Variants in CCDC187 observed in about 807,000 individuals in gnomAD.
The protein encoded by CCDC187 is coiled-coil domain containing 187, also known as coiled-coil domain-containing protein 187.
In CCDC187, 32 loss-of-function variants were observed where a neutral mutation model predicts 38.0. The observed-to-expected ratio is 0.84, with a 90% CI of 0.64 to 1.13. CCDC187 has a LOEUF of 1.13. Ranked by LOEUF, CCDC187 falls within the 50% of genes most tolerant of loss-of-function variation. The pLI, the probability that CCDC187 is intolerant of heterozygous loss-of-function variation, is 0.00. For missense variants in CCDC187, 707 were observed against 786.8 expected (o/e 0.90, Z 1.21); for synonymous variants, 333 against 347.9 (o/e 0.96, Z 0.48).
At chr9:136,274,233 C>T (rs1353043676) in intron 14 of CCDC187, among the ~76,000 whole-genome samples, 3 of 152,238 alleles carry the variant, frequency 2.0e-5, no homozygotes, top group Non-Finnish European at 4.4e-5. Flanking sequence ...ACCCTCTGTC[C>T]CGGAGCAAGG....
At chr9:136,301,263 A>C (rs878975557) in intron 2 of CCDC187, among the ~76,000 whole-genome samples, 132,597 of 152,222 alleles carry the variant, frequency 0.87, 57,786 homozygotes, top group East Asian at 0.9. Flanking sequence ...TTTATTCATT[A>C]TTTGTGCTTA....
At chr9:136,304,800 G>A (rs1229990680), upstream of CCDC187, among the ~76,000 whole-genome samples, 4 of 152,204 alleles carry the variant, frequency 2.6e-5, no homozygotes, top group Non-Finnish European at 4.4e-5. Context: ...ACGGAGCTGC[G>A]ATGATCATGA....
chr9:136,253,750 T>C lies in CCDC187; in HGVS notation c.6078A>G (p.Glu2026=). Residue 2026 remains glutamate (E), a synonymous_variant, in exon 26 of 26, where the codon GAA becomes GAG. Coordinates refer to ENST00000638797, the MANE Select transcript of CCDC187 (RefSeq NM_001378188.1). ...PPTPQAQSDG[E]DTNPCSDAFP... ...AGGCATCCGAGCATGGGTTGGTGTC[T>C]TCACCATCACTCTGTGCTTGGGGAG... 1.0e-6 allele frequency: 1 copy of C among 985,612 alleles called. No homozygotes were observed. The highest frequency in any genetic ancestry group is 1.1e-4 in the East Asian group (1 of 8,820). The allele number at this position is 985,612 out of a possible 1,614,324, so 61.1% of individuals were successfully genotyped here. A position where few individuals can be genotyped will look rare whatever the true frequency, so the allele number is the denominator to read the frequency against.
At chr9:136,298,266 T>C (rs1421618731) in intron 3 of CCDC187, among the ~76,000 whole-genome samples, 1 of 151,650 alleles carries the variant, frequency 6.6e-6, no homozygotes, top group Non-Finnish European at 1.5e-5. Flanking sequence ...ATGCACAGAG[T>C]GGCAGCGGCC....
At position 136,291,571 on chromosome 9, in the gene CCDC187, T is replaced by C. The variant is rs1407183505; in HGVS notation, c.1042A>G (p.Ser348Gly). The change falls in exon 6 of 26, where the codon AGT (serine) becomes GGT (glycine). Residue 348 changes from serine (S) to glycine (G), a missense_variant. Ser to Gly is a moderately conservative substitution (Grantham distance 56, BLOSUM62 0). Transcript: ENST00000638797. The part of the protein sequence containing the change: ...AQLPDATSAY[S>G]DQQVSGNTPS... The stretch of plus-strand genomic sequence containing the variant: ...GTGTTCCCAGACACCTGCTGGTCAC[T>C]GTAGGCGGAGGTGGCATCGGGCAAC... 7.5e-6 allele frequency: 3 copies of C among 398,690 alleles called. No homozygotes were observed. Among genetic ancestry groups the C allele is most frequent in the Non-Finnish European group, 1.3e-5 (3 of 226,184 alleles). The allele number at this position is 398,690 out of a possible 1,614,324, so 24.7% of individuals were successfully genotyped here.
intron 7 of CCDC187, among the ~76,000 whole-genome samples, chr9:136,288,802 G>A (rs1831241946): frequency 6.6e-6 from 1 of 152,240 alleles, no homozygotes; most frequent in Non-Finnish European, 1.5e-5. Flanking sequence ...AAAAGTAAGC[G>A]CTGTGAGGAA....
intron 18 of CCDC187, 130 bp downstream of exon 18, chr9:136,263,492 C>T: frequency 1.6e-6 from 1 of 642,606 alleles, no homozygotes; most frequent in Non-Finnish European, 1.9e-6. Flanking sequence ...CCTCGGCCTC[C>T]CAAAGTGCTG....
chr9:136,255,739 A>G lies in CCDC187; in HGVS notation c.4617-6T>C, dbSNP rs1423311312. On this transcript the variant is annotated splice_region_variant and splice_polypyrimidine_tract_variant and intron_variant, in intron 24 of 25. Coordinates refer to ENST00000638797, the MANE Select transcript of CCDC187 (RefSeq NM_001378188.1). ...CCTGCTGACAGGCCTCCGTCCTGCA[A>G]GCACATTCGTGGAGAACCCTGTGGG... 1 of 985,254 alleles carries G rather than the reference A, an allele frequency of 1.0e-6. No homozygotes were observed. Among genetic ancestry groups the G allele is most frequent in the Non-Finnish European group, 1.2e-6 (1 of 829,866 alleles). 61.0% of individuals were successfully genotyped at this position (985,254 alleles called of 1,614,324 possible).
At chr9:136,295,390 C>T (rs1270527531) in intron 4 of CCDC187, among the ~76,000 whole-genome samples, 6 of 152,192 alleles carry the variant, frequency 3.9e-5, no homozygotes, top group South Asian at 2.1e-4. Context: ...TTCCGCTGAG[C>T]AGTTTAATGG....
At position 136,257,938 on chromosome 9, in the gene CCDC187, C is replaced by G. The variant is rs1409980098; in HGVS notation, c.4366+994G>C. Among the ~76,000 whole-genome samples the G allele has an allele frequency of 6.6e-6, 1 of 152,228 alleles. No homozygotes were observed. The highest frequency in any genetic ancestry group is 2.4e-5 in the African/African-American group (1 of 41,466). ...AGAACATAAGTCAGGCCTCAGGCTC[C>G]TCCTCTGCTGCGTGGGCATAACGAG... On this transcript the variant is annotated intron_variant, in intron 22 of 25. Coordinates refer to ENST00000638797, the MANE Select transcript of CCDC187 (RefSeq NM_001378188.1). The surrounding 1 kb of genome is among the most constrained non-coding windows in gnomAD (Gnocchi z 4.5).
At chr9:136,292,050 G>A (rs1317282765) in intron 5 of CCDC187, 111 bp downstream of exon 5, 11 of 397,784 alleles carry the variant, frequency 2.8e-5, no homozygotes, top group South Asian at 1.4e-4. Flanking sequence ...TGTGAGAGGC[G>A]CCAACACCTC....
chr9:136,286,587 T>C lies in CCDC187; in HGVS notation c.2331A>G (p.Ser777=), dbSNP rs1211452395. 5.0e-6 allele frequency: 2 copies of C among 398,506 alleles called. No individual in the cohort carries two copies. Among genetic ancestry groups the C allele is most frequent in the Admixed American group, 4.4e-5 (1 of 22,712 alleles). The allele number at this position is 398,506 out of a possible 1,614,324, so 24.7% of individuals were successfully genotyped here. A position where few individuals can be genotyped will look rare whatever the true frequency, so the allele number is the denominator to read the frequency against. The part of the protein sequence containing the change: ...GRDAPVLLSA[S]PSLGSLELQD... ...GGAGCTCCAGGGATCCCAGAGAGGG[T>C]GAAGCTGACAGCAGCACGGGGGCAT... Residue 777 remains serine (S), a synonymous_variant, in exon 8 of 26, where the codon TCA becomes TCG. Coordinates refer to ENST00000638797, the MANE Select transcript of CCDC187 (RefSeq NM_001378188.1).
chr9:136,286,783 G>A (rs981545842), intron 7 of CCDC187, 88 bp from the exon 8 acceptor site: 8 of 397,874 alleles, frequency 2.0e-5, no homozygotes, highest in East Asian at 3.6e-5. Context: ...AGGTGTGAGC[G>A]TCACAGCAGC....
intron 9 of CCDC187, among the ~76,000 whole-genome samples, chr9:136,282,976 C>T (rs1346489186): frequency 6.6e-6 from 1 of 152,234 alleles, no homozygotes. Flanking sequence ...TGAGGCCGGG[C>T]ACAGTGGCTC....
Position 136,250,822 on chromosome 9 carries a change from C to T in CCDC187, c.*2772G>A, listed in dbSNP as rs73560761. On this transcript the variant is annotated 3_prime_UTR_variant, in exon 26 of 26. Transcript: ENST00000638797. ...CGGCACCTGGGGCTAAGCAGCCGCC[C>T]CGGGGCTGGAGAAGGCAGGCTGGGT... 70,681 of 456,080 alleles carry T rather than the reference C, an allele frequency of 0.15. 7,511 individuals carry two copies. The highest frequency in any genetic ancestry group is 0.33 in the Admixed American group (14,045 of 42,562). 28.3% of individuals were successfully genotyped at this position (456,080 alleles called of 1,614,324 possible).
At position 136,252,898 on chromosome 9, in the gene CCDC187, T is replaced by C. The variant is rs1490826635; in HGVS notation, c.*696A>G. 1.3e-5 allele frequency: 2 copies of C among 152,358 alleles called. No individual in the cohort carries two copies. The highest frequency in any genetic ancestry group is 4.8e-5 in the African/African-American group (2 of 41,434). 9.4% of individuals were successfully genotyped at this position (152,358 alleles called of 1,614,324 possible). A position where few individuals can be genotyped will look rare whatever the true frequency, so the allele number is the denominator to read the frequency against. ...AGCCCTCGGGCCTGGGTGGGTCCTC[T>C]ACCTGGCAGCTCAGGCCTCCCTCAA... is the stretch of plus-strand genomic sequence containing the variant. On this transcript the variant is annotated 3_prime_UTR_variant, in exon 26 of 26. Coordinates refer to ENST00000638797, the MANE Select transcript of CCDC187 (RefSeq NM_001378188.1).
Position 136,251,093 on chromosome 9 carries a change from C to G in CCDC187, c.*2501G>C, listed in dbSNP as rs1316886894. 2 of 451,268 alleles carry G rather than the reference C, an allele frequency of 4.4e-6. No individual in the cohort carries two copies. The highest frequency in any genetic ancestry group is 2.4e-5 in the Admixed American group (1 of 42,474). The allele number at this position is 451,268 out of a possible 1,614,324, so 28.0% of individuals were successfully genotyped here. ...TCTGAAGTGGAGGAGGCCTGAGGCC[C>G]TGGACAGGAGAAGCCACATCCTGGA... On this transcript the variant is annotated 3_prime_UTR_variant, in exon 26 of 26. Coordinates refer to ENST00000638797, the MANE Select transcript of CCDC187 (RefSeq NM_001378188.1).
At position 136,267,395 on chromosome 9, in the gene CCDC187, C is replaced by T; in HGVS notation, c.3636G>A (p.Glu1212=). 4.1e-6 allele frequency: 4 copies of T among 985,586 alleles called. No individual in the cohort carries two copies. Among genetic ancestry groups the T allele is most frequent in the Non-Finnish European group, 4.8e-6 (4 of 830,048 alleles). 61.1% of individuals were successfully genotyped at this position (985,586 alleles called of 1,614,324 possible). Residue 1212 remains glutamate (E), a synonymous_variant, in exon 16 of 26, where the codon GAG becomes GAA. Transcript: ENST00000638797. ...GCGCATGCGCTCACCCTCGTCGATG[C>T]TCCAGCCAGGCCAGCTCCGCGAGCG... ...EKTLAELAWL[E]HRRGCLDSKR... is the part of the protein sequence containing the mutation.
intron 16 of CCDC187, chr9:136,266,826 T>C (rs573235131): frequency 1.3e-5 from 2 of 152,420 alleles, no homozygotes; most frequent in South Asian, 4.1e-4. Flanking sequence ...CTCTCGCCTG[T>C]AATCCCAGCA....
Sources: allele counts gnomAD v4.1 joint callset (sites outside exome capture counted in the v4.1 genomes callset), GRCh38; gene constraint gnomAD v4.1.1; non-coding constraint Gnocchi (gnomAD v3.1); transcripts MANE v1.5; gene names NCBI Gene and HGNC (gene_info 2026-07-23, HGNC 2026-07-21).